Variants in NEDD4L observed in about 807,000 individuals in gnomAD.
The protein encoded by NEDD4L is E3 ubiquitin-protein ligase NEDD4-like.
In NEDD4L, 54 loss-of-function variants were observed where a neutral mutation model predicts 148.9. That is an observed-to-expected ratio of 0.36 (90% CI 0.29 to 0.45). NEDD4L has a LOEUF of 0.45. NEDD4L is among the 20% of genes least tolerant of loss of function. The pLI, the probability that NEDD4L is intolerant of heterozygous loss-of-function variation, is 1.00. For synonymous variants in NEDD4L, 433 were observed against 440.7 expected, an observed-to-expected ratio of 0.98 and a Z score of 0.22; for missense variants, 856 against 1,233.8, an observed-to-expected ratio of 0.69 and a Z score of 4.59.
At chr18:58,385,232 C>T (rs2048850281) in intron 25 of NEDD4L, among the ~76,000 whole-genome samples, 1 of 152,146 alleles carries the variant, frequency 6.6e-6, no homozygotes, top group Non-Finnish European at 1.5e-5. Flanking sequence ...GCAGTTAAAG[C>T]ATTTAAAGCA....
intron 1 of NEDD4L, among the ~76,000 whole-genome samples, chr18:58,160,305 G>A (rs2036036142): frequency 6.6e-6 from 1 of 152,206 alleles, no homozygotes; most frequent in South Asian, 2.1e-4. Flanking sequence ...GACACTATTA[G>A]TGTGCTGCTG....
At chr18:58,367,323 A>AT in intron 21 of NEDD4L, 2 of 165,590 alleles carry the variant, frequency 1.2e-5, no homozygotes, top group Admixed American at 5.9e-5. Context: ...GGTTGGGCCC[A>AT]TAGCAAACAT....
At chr18:58,286,863 A>G (rs2053978543) in intron 5 of NEDD4L, among the ~76,000 whole-genome samples, 1 of 152,234 alleles carries the variant, frequency 6.6e-6, no homozygotes, top group Non-Finnish European at 1.5e-5. Context: ...CATAAACTGC[A>G]TTTGGAAATT....
intron 2 of NEDD4L, among the ~76,000 whole-genome samples, chr18:58,212,352 A>G (rs2042679763): frequency 1.3e-5 from 2 of 152,152 alleles, no homozygotes; most frequent in South Asian, 2.1e-4. Flanking sequence ...GAGGTTTCAC[A>G]GTTTCACATG....
chr18:58,126,648 G>C (rs139225707), intron 1 of NEDD4L, among the ~76,000 whole-genome samples: 1 of 152,202 alleles, frequency 6.6e-6, no homozygotes, highest in Non-Finnish European at 1.5e-5. Context: ...TAACCATGGA[G>C]TTACGGTAAC....
At chr18:58,125,100 A>G (rs773040591) in intron 1 of NEDD4L, among the ~76,000 whole-genome samples, 11 of 152,136 alleles carry the variant, frequency 7.2e-5, no homozygotes, top group Non-Finnish European at 1.5e-4. Flanking sequence ...GGGTTTCATG[A>G]TGTTGCCAAA....
At chr18:58,195,809 G>A (rs2040621111) in intron 2 of NEDD4L, 8 of 949,966 alleles carry the variant, frequency 8.4e-6, no homozygotes, top group Admixed American at 2.0e-5. Flanking sequence ...TTCTCTTACC[G>A]TGAATCCATT....
chr18:58,203,596 T>C (rs2041659550), intron 2 of NEDD4L, among the ~76,000 whole-genome samples: 1 of 145,736 alleles, frequency 6.9e-6, no homozygotes, highest in Non-Finnish European at 1.5e-5. Context: ...CAGCTTTTTA[T>C]ACAAAGAAAC....
At chr18:58,151,947 A>ATG (rs533921227) in intron 1 of NEDD4L, among the ~76,000 whole-genome samples, 306 of 152,218 alleles carry the variant, frequency 2.0e-3, no homozygotes, top group Non-Finnish European at 3.4e-3. Context: ...TTATTCATAT[A>ATG]TGTGTGATGA....
At chr18:58,196,872 AG>A (rs912944021) in intron 2 of NEDD4L, among the ~76,000 whole-genome samples, 2 of 152,138 alleles carry the variant, frequency 1.3e-5, no homozygotes, top group African/African-American at 4.8e-5. Flanking sequence ...AGAAAGTCTC[AG>A]GCTGCCTTAG....
At chr18:58,219,656 G>A (rs1005040370) in intron 2 of NEDD4L, among the ~76,000 whole-genome samples, 4 of 152,058 alleles carry the variant, frequency 2.6e-5, no homozygotes, top group South Asian at 2.1e-4. Context: ...TCTCCTGTTC[G>A]TATAAGGGCA....
intron 1 of NEDD4L, among the ~76,000 whole-genome samples, chr18:58,105,979 G>C (rs546648074): frequency 1.3e-5 from 2 of 152,316 alleles, no homozygotes; most frequent in African/African-American, 4.8e-5. Context: ...GAAACCTTAG[G>C]TTACCCAGCA....
At chr18:58,162,775 G>T (rs1481784684) in intron 1 of NEDD4L, among the ~76,000 whole-genome samples, 1 of 151,986 alleles carries the variant, frequency 6.6e-6, no homozygotes, top group East Asian at 1.9e-4. Context: ...TAGAAATGGG[G>T]TGTTGCAGCC....
chr18:58,214,641 GTGTT>G (rs1568403539), intron 2 of NEDD4L, among the ~76,000 whole-genome samples: 50 of 143,472 alleles, frequency 3.5e-4, no homozygotes, highest in African/African-American at 1.4e-3. Flanking sequence ...GTGTGTGTGT[GTGTT>G]TTGTTGTTGT....
At chr18:58,139,123 AC>A (rs2033199540) in intron 1 of NEDD4L, among the ~76,000 whole-genome samples, 1 of 152,216 alleles carries the variant, frequency 6.6e-6, no homozygotes, top group Non-Finnish European at 1.5e-5. Flanking sequence ...CACTTAATAT[AC>A]TTGGCCATTT....
intron 2 of NEDD4L, among the ~76,000 whole-genome samples, chr18:58,177,565 C>T (rs1210538386): frequency 1.3e-5 from 2 of 152,162 alleles, no homozygotes; most frequent in Admixed American, 6.5e-5. Context: ...ACTGGCTCTC[C>T]ACCCCATCCT....
intron 1 of NEDD4L, among the ~76,000 whole-genome samples, chr18:58,101,545 C>T (rs955812603): frequency 2.6e-5 from 4 of 152,034 alleles, no homozygotes; most frequent in African/African-American, 4.8e-5. Flanking sequence ...CCGTCCGTGT[C>T]GAGTGTCATT....
intron 1 of NEDD4L, chr18:58,045,270 T>G (rs1005860379): frequency 3.8e-5 from 15 of 396,436 alleles, no homozygotes; most frequent in Non-Finnish European, 6.7e-5. Context: ...TTGCAAAGTC[T>G]ACGGCCAGGA....
At chr18:58,135,867 G>C (rs544181469) in intron 1 of NEDD4L, among the ~76,000 whole-genome samples, 1 of 152,284 alleles carries the variant, frequency 6.6e-6, no homozygotes, top group South Asian at 2.1e-4. Flanking sequence ...CCAGGTTATT[G>C]AGACAGTCTT....
Sources: gnomAD v4.1 joint callset for allele counts (sites outside exome capture counted in the v4.1 genomes callset) on GRCh38, gnomAD v4.1.1 for gene constraint, MANE v1.5 for transcripts, NCBI Gene and HGNC (gene_info 2026-07-23, HGNC 2026-07-21) for gene names.